Variants in SEPTIN9 observed in about 807,000 individuals in gnomAD.
SEPTIN9 encodes septin-9.
A neutral mutation model predicts 56.6 loss-of-function variants in SEPTIN9; 13 were observed. The ratio of observed to expected loss-of-function variants is 0.23; its 90% CI spans 0.15 to 0.37. SEPTIN9 has a LOEUF of 0.37. Ranked by LOEUF, SEPTIN9 falls within the 10% of genes least tolerant of loss-of-function variation. The pLI is 1.00. For synonymous variants in SEPTIN9, 332 were observed against 334.1 expected (o/e 0.99, Z 0.07); for missense variants, 650 against 823.1 (o/e 0.79, Z 2.57).
chr17:77,324,095 C>T lies in SEPTIN9; in HGVS notation c.76+16898C>T, dbSNP rs1598194078. On this transcript the variant is annotated intron_variant, in intron 2 of 11. Transcript: ENST00000427177. Reference sequence around the variant, plus strand: ...CTTGGCGTTCCTTGGCTCGTGGCCACACCACTCGACCTCTGCCTCCGTTGT... The same window carrying T: ...CTTGGCGTTCCTTGGCTCGTGGCCATACCACTCGACCTCTGCCTCCGTTGT... Among the ~76,000 whole-genome samples the T allele has an allele frequency of 2.0e-5, 3 of 152,350 alleles. No homozygotes were observed. The South Asian group carries it at 6.2e-4, about 32-fold the overall frequency.
intron 3 of SEPTIN9, among the ~76,000 whole-genome samples, chr17:77,458,389 A>G (rs868261783): frequency 6.6e-6 from 1 of 152,336 alleles, no homozygotes; most frequent in East Asian, 1.9e-4. Context: ...CCTTGTGCTC[A>G]GTGGAGACTC....
rs916735177 is a variant in SEPTIN9, at chr17:77,389,975, C to T, written c.77-12084C>T. ...AACTTAGCGCCACTTTAAAGTCCGC[C>T]TGGAATGACCCTGTGGCTGCCGGAA... On this transcript the variant is annotated intron_variant, in intron 2 of 11. Coordinates refer to ENST00000427177, the MANE Select transcript of SEPTIN9 (RefSeq NM_001113491.2). This position sits in a 1 kb window ranked among gnomAD's most constrained non-coding sequence, Gnocchi z 4.3. Among the ~76,000 whole-genome samples, 1 of 152,018 alleles carries T rather than the reference C, an allele frequency of 6.6e-6. No homozygotes were observed. Among genetic ancestry groups the T allele is most frequent in the African/African-American group, 2.4e-5 (1 of 41,374 alleles).
chr17:77,386,509 G>A (rs1180574785), intron 2 of SEPTIN9, among the ~76,000 whole-genome samples: 3 of 152,228 alleles, frequency 2.0e-5, no homozygotes, highest in African/African-American at 4.8e-5. Flanking sequence ...CAGGGCAGTG[G>A]GGGTGGGGGT....
chr17:77,441,482 A>T (rs2037545230), intron 3 of SEPTIN9, among the ~76,000 whole-genome samples: 1 of 152,210 alleles, frequency 6.6e-6, no homozygotes, highest in Non-Finnish European at 1.5e-5. Context: ...TTATGTTGCT[A>T]GCTCATATGA....
At chr17:77,497,911 G>C (rs919525429) in intron 11 of SEPTIN9, among the ~76,000 whole-genome samples, 2 of 151,370 alleles carry the variant, frequency 1.3e-5, no homozygotes, top group Non-Finnish European at 3.0e-5. Context: ...TTATCAAGAG[G>C]AGGGGCCTCC....
intron 2 of SEPTIN9, among the ~76,000 whole-genome samples, chr17:77,331,329 A>G (rs1598204677): frequency 6.6e-6 from 1 of 152,066 alleles, no homozygotes; most frequent in Non-Finnish European, 1.5e-5. Flanking sequence ...GGCTGGGGTG[A>G]TGGGCACTGG....
chr17:77,363,287 A>G (rs1036864968), intron 2 of SEPTIN9, among the ~76,000 whole-genome samples: 3 of 147,062 alleles, frequency 2.0e-5, no homozygotes, highest in Non-Finnish European at 4.4e-5. Context: ...ATAAACAGAC[A>G]CTCCCGCAAC....
At chr17:77,307,801 G>C (rs551417367) in intron 2 of SEPTIN9, among the ~76,000 whole-genome samples, 5 of 152,354 alleles carry the variant, frequency 3.3e-5, no homozygotes, top group African/African-American at 1.2e-4. Context: ...ACGAGTTACA[G>C]CTTATAGGCT....
rs191685407 is a variant in SEPTIN9 at position 77,308,815 on chromosome 17, G to A, written c.76+1618G>A. Among the ~76,000 whole-genome samples, 33 of 152,344 alleles carry A rather than the reference G, an allele frequency of 2.2e-4. No homozygotes were observed. The East Asian group carries it at 4.6e-3, about 21-fold the overall frequency. ...CACCACCAGGCCTGGACAGTGGAGAGGGTGGCTTTTTACAGGGAGTGGGAG... is the reference window on the plus strand; with the variant it reads ...CACCACCAGGCCTGGACAGTGGAGAAGGTGGCTTTTTACAGGGAGTGGGAG... On this transcript the variant is annotated intron_variant, in intron 2 of 11. Coordinates refer to ENST00000427177, the MANE Select transcript of SEPTIN9 (RefSeq NM_001113491.2).
intron 3 of SEPTIN9, among the ~76,000 whole-genome samples, chr17:77,423,342 C>T (rs2036772520): frequency 6.6e-6 from 1 of 152,196 alleles, no homozygotes. Flanking sequence ...GGCCTGATAC[C>T]TATATCTTGA....
chr17:77,407,966 G>C (rs1351699178), intron 3 of SEPTIN9, among the ~76,000 whole-genome samples: 1 of 152,164 alleles, frequency 6.6e-6, no homozygotes, highest in East Asian at 1.9e-4. Context: ...TGCTGGCTCA[G>C]AGCCCCCCCC....
intron 2 of SEPTIN9, among the ~76,000 whole-genome samples, chr17:77,333,855 C>T (rs1032699646): frequency 3.2e-4 from 48 of 151,890 alleles, no homozygotes; most frequent in African/African-American, 1.1e-3. Context: ...CTTATGAGGT[C>T]GCACAATTTT....
At chr17:77,305,519 G>A (rs541802516) in intron 1 of SEPTIN9, among the ~76,000 whole-genome samples, 4 of 152,120 alleles carry the variant, frequency 2.6e-5, no homozygotes, top group Non-Finnish European at 4.4e-5. Flanking sequence ...CAGGAGTCAC[G>A]ACCCACACCC....
At chr17:77,393,817 C>T (rs946149169) in intron 2 of SEPTIN9, among the ~76,000 whole-genome samples, 1 of 152,098 alleles carries the variant, frequency 6.6e-6, no homozygotes, top group Non-Finnish European at 1.5e-5. Flanking sequence ...AACTCCTGAC[C>T]TCAGGTGATC....
At chr17:77,346,972 GA>G (rs1294726631) in intron 2 of SEPTIN9, among the ~76,000 whole-genome samples, 2 of 152,166 alleles carry the variant, frequency 1.3e-5, no homozygotes, top group Non-Finnish European at 2.9e-5. Context: ...TGAGCACCCT[GA>G]TTTTGGACTT....
rs951074139 is a variant in SEPTIN9 at position 77,492,445 on chromosome 17, C to T, written c.1381-176C>T. On this transcript the variant is annotated intron_variant, in intron 8 of 11. Coordinates refer to ENST00000427177, the MANE Select transcript of SEPTIN9 (RefSeq NM_001113491.2). This position sits in a 1 kb window ranked among gnomAD's most constrained non-coding sequence, Gnocchi z 5.4. ...GGACAGCAGGTGCACCTGCAGCTGC[C>T]CCTCTTCCCTCCAGGAGGCACAGGA... is the stretch of plus-strand genomic sequence containing the variant. Among the ~76,000 whole-genome samples the T allele has an allele frequency of 2.6e-5, 4 of 152,062 alleles. No individual in the cohort carries two copies. The highest frequency in any genetic ancestry group is 6.5e-5 in the Admixed American group (1 of 15,270).
At chr17:77,359,994 C>T (rs534856873) in intron 2 of SEPTIN9, among the ~76,000 whole-genome samples, 2 of 151,862 alleles carry the variant, frequency 1.3e-5, no homozygotes, top group African/African-American at 2.4e-5. Flanking sequence ...CCCATCTGTA[C>T]TACAAATACA....
chr17:77,301,332 C>T (rs188496656), intron 1 of SEPTIN9, among the ~76,000 whole-genome samples: 2 of 151,988 alleles, frequency 1.3e-5, no homozygotes, highest in East Asian at 3.9e-4. Context: ...GCTGAGGTTA[C>T]AGGTGTGAGC....
Position 77,429,990 on chromosome 17 carries a change from G to T in SEPTIN9, c.721+27287G>T, listed in dbSNP as rs1195369167. Among the ~76,000 whole-genome samples, 1 of 152,204 alleles carries T rather than the reference G, an allele frequency of 6.6e-6. No homozygotes were observed. Among genetic ancestry groups the T allele is most frequent in the Non-Finnish European group, 1.5e-5 (1 of 68,038 alleles). On this transcript the variant is annotated intron_variant, in intron 3 of 11. Coordinates refer to ENST00000427177, the MANE Select transcript of SEPTIN9 (RefSeq NM_001113491.2). This position sits in a 1 kb window ranked among gnomAD's most constrained non-coding sequence, Gnocchi z 5.2. ...ACAGCAGACCCTGGGGGTTGGCTCT[G>T]ATGGTATTCACCATGGGGTACCCCA...
Sources: allele counts gnomAD v4.1 joint callset (sites outside exome capture counted in the v4.1 genomes callset), GRCh38; gene constraint gnomAD v4.1.1; non-coding constraint Gnocchi (gnomAD v3.1); transcripts MANE v1.5; gene names NCBI Gene and HGNC (gene_info 2026-07-23, HGNC 2026-07-21).